Variants in TMEM256 observed in about 807,000 individuals in gnomAD.
TMEM256 encodes the protein transmembrane protein 256, also known as UPF0451 protein C17orf61.
TMEM256 carries 14 observed loss-of-function variants against 14.8 expected under a neutral mutation model. The observed-to-expected ratio is 0.95, with a 90% CI of 0.63 to 1.48. The LOEUF is 1.48. Among genes scored for constraint, TMEM256 ranks in the 40% most tolerant of loss-of-function variants. The probability of loss-of-function intolerance (pLI) is 0.00; values close to 1 mark genes in which losing one functional copy is unlikely to be tolerated. For missense variants in TMEM256, 146 were observed against 137.9 expected, an observed-to-expected ratio of 1.06 and a Z score of -0.30; for synonymous variants, 68 against 60.7, an observed-to-expected ratio of 1.12 and a Z score of -0.56.
intron 2 of TMEM256, 71 bp downstream of exon 2, chr17:7,403,587 T>A: frequency 1.3e-6 from 2 of 1,591,654 alleles, no homozygotes; most frequent in Non-Finnish European, 1.7e-6. Context: ...CCCGCCCACT[T>A]CCCCCAGGGA....
rs758557799 is a variant in TMEM256 at position 7,403,165 on chromosome 17, G to T, written c.243C>A (p.Ser81Arg). ...CTCCACTCAGAGCCTGGTAGTAAAA[G>T]CTGGTGCAGAATAAGGTCGTTCCGG... ...LASGTTLFCT[S>R]FYYQALSGDP... Residue 81 changes from serine (S) to arginine (R), a missense_variant, in exon 4 of 4, where the codon AGC becomes AGA. Coordinates refer to ENST00000302422, the MANE Select transcript of TMEM256 (RefSeq NM_152766.5). The T allele has an allele frequency of 6.2e-7, 1 of 1,614,188 alleles. No homozygotes were observed. Among genetic ancestry groups the T allele is most frequent in the Non-Finnish European group, 8.5e-7 (1 of 1,180,034 alleles).
Position 7,403,991 on chromosome 17 carries a change from C to G in TMEM256, c.85+9G>C, listed in dbSNP as rs201332160. On this transcript the variant is annotated intron_variant, in intron 1 of 3. Transcript: ENST00000302422. ...AGTACAGTCCCATCTTCGTCCCCAG[C>G]CCCCTGACCGTGCGCCCCGTAGGAA... 1 of 1,578,114 alleles carries G rather than the reference C, an allele frequency of 6.3e-7. No homozygotes were observed. Among genetic ancestry groups the G allele is most frequent in the Middle Eastern group, 1.7e-4 (1 of 6,002 alleles).
At chr17:7,403,572 C>A in intron 2 of TMEM256, 86 bp downstream of exon 2, 1 of 1,558,392 alleles carries the variant, frequency 6.4e-7, no homozygotes, top group Non-Finnish European at 8.8e-7. Flanking sequence ...TCGCCCCACC[C>A]TCTCCCCGCC....
chr17:7,403,542 C>T (rs1303368263), intron 2 of TMEM256, 116 bp downstream of exon 2: 3 of 1,537,786 alleles, frequency 2.0e-6, no homozygotes, highest in South Asian at 1.1e-5. Context: ...TTGGCCTTTG[C>T]TGCTCCAGAG....
At chr17:7,403,788 C>CA in intron 1 of TMEM256, 99 bp from the exon 2 acceptor site, 1 of 1,022,294 alleles carries the variant, frequency 9.8e-7, no homozygotes, top group Non-Finnish European at 1.3e-6. Context: ...AAGGGCACCC[C>CA]CCCCCCCGCC....
At chr17:7,403,568 C>CCCCCAA in intron 2 of TMEM256, 90 bp downstream of exon 2, 1 of 1,567,414 alleles carries the variant, frequency 6.4e-7, no homozygotes, top group Non-Finnish European at 8.7e-7. Flanking sequence ...CGGCTCGCCC[C>CCCCCAA]ACCCTCTCCC....
rs749113252 is a variant in TMEM256, at chr17:7,403,078, G to A, written c.330C>T (p.Ala110=). Residue 110 remains alanine, a synonymous_variant, in exon 4 of 4, where the codon GCC becomes GCT. Transcript: ENST00000302422. ...GGTLLLLGWL[A]LAL is the part of the protein sequence containing the mutation. ...AGCAAAAGGGAGCTCAAAGAGCCAA[G>A]GCAAGCCAGCCCAAGAGTAGCAGGG... The A allele has an allele frequency of 1.2e-6, 2 of 1,611,730 alleles. No individual in the cohort carries two copies. Among genetic ancestry groups the A allele is most frequent in the Non-Finnish European group, 1.7e-6 (2 of 1,179,144 alleles).
chr17:7,403,608 T>G (rs1450346437), intron 2 of TMEM256, 50 bp downstream of exon 2: 1 of 1,612,822 alleles, frequency 6.2e-7, no homozygotes, highest in South Asian at 1.1e-5. Flanking sequence ...CCCCAGACTT[T>G]GTGCCTTCGT....
intron 1 of TMEM256, 103 bp from the exon 2 acceptor site, chr17:7,403,792 C>CCA (rs1906454313): frequency 9.5e-7 from 1 of 1,056,594 alleles, no homozygotes; most frequent in Non-Finnish European, 1.3e-6. Flanking sequence ...GCACCCCCCC[C>CCA]CCCGCCCCAG....
Position 7,403,193 on chromosome 17 carries a change from G to C in TMEM256, c.215C>G (p.Ala72Gly). ...GGTGCAGAATAAGGTCGTTCCGGAA[G>C]CTAGCAATAACCCAGCCTGAAGGAG... The part of the protein sequence containing the change: ...RKPLWAGLLL[A>G]SGTTLFCTSF... Residue 72 changes from alanine (A) to glycine (G), a missense_variant, in exon 4 of 4, where the codon GCT becomes GGT. Ala to Gly is a moderately conservative substitution (Grantham distance 60, BLOSUM62 0). Coordinates refer to ENST00000302422, the MANE Select transcript of TMEM256 (RefSeq NM_152766.5). 1 of 1,614,162 alleles carries C rather than the reference G, an allele frequency of 6.2e-7. No homozygotes were observed. Among genetic ancestry groups the C allele is most frequent in the Non-Finnish European group, 8.5e-7 (1 of 1,180,030 alleles).
chr17:7,403,152 C>T lies in TMEM256; in HGVS notation c.256G>A (p.Ala86Thr), dbSNP rs1246106212. 19 of 1,614,162 alleles carry T rather than the reference C, an allele frequency of 1.2e-5. No homozygotes were observed. The highest frequency in any genetic ancestry group is 1.6e-5 in the Non-Finnish European group (19 of 1,180,026). ...TGGATGCTGGGGTCTCCACTCAGAGCCTGGTAGTAAAAGCTGGTGCAGAAT... is the reference window on the plus strand; with the variant it reads ...TGGATGCTGGGGTCTCCACTCAGAGTCTGGTAGTAAAAGCTGGTGCAGAAT... ...TLFCTSFYYQALSGDPSIQTL... is the reference protein window; with the variant it reads ...TLFCTSFYYQTLSGDPSIQTL... The change falls in exon 4 of 4, where the codon GCT becomes ACT. Residue 86 changes from alanine (A) to threonine (T), a missense_variant. Ala to Thr is a moderately conservative substitution (Grantham distance 58). Coordinates refer to ENST00000302422, the MANE Select transcript of TMEM256 (RefSeq NM_152766.5).
Position 7,403,383 on chromosome 17 carries a change from T to A in TMEM256, c.125A>T (p.Asp42Val). The change falls in exon 3 of 4, where the codon GAC becomes GTC. Residue 42 changes from aspartate to valine, a missense_variant. Asp to Val is a radical substitution (Grantham distance 152, BLOSUM62 -3). Coordinates refer to ENST00000302422, the MANE Select transcript of TMEM256 (RefSeq NM_152766.5). ...FPDAYGKELF[D>V]KANKHHFLHS... ...TAAGAAGTGGTGTTTGTTGGCCTTG[T>A]CAAACAGCTGTAAGAAAAACAGAAA... 1 of 1,614,094 alleles carries A rather than the reference T, an allele frequency of 6.2e-7. No individual in the cohort carries two copies. The highest frequency in any genetic ancestry group is 1.6e-4 in the Middle Eastern group (1 of 6,062).
rs1906399967 is a variant in TMEM256, at chr17:7,403,115, G to A, written c.293C>T (p.Pro98Leu). 6.2e-7 allele frequency: 1 copy of A among 1,614,194 alleles called. No homozygotes were observed. Among genetic ancestry groups the A allele is most frequent in the Non-Finnish European group, 8.5e-7 (1 of 1,180,036 alleles). The stretch of plus-strand genomic sequence containing the variant: ...CAAGAGTAGCAGGGTCCCTCCCGCA[G>A]GGGCCAAAGTCTGGATGCTGGGGTC... The part of the protein sequence containing the change: ...SGDPSIQTLA[P>L]AGGTLLLLGW... Residue 98 changes from proline to leucine, a missense_variant, in exon 4 of 4, where the codon CCT becomes CTT. Physicochemically the swap from Pro to Leu is moderately conservative, Grantham distance 98 (BLOSUM62 -3). Transcript: ENST00000302422.
In TMEM256 at chr17:7,403,658, C is replaced by T; in HGVS notation, c.117G>A (p.Glu39=). ...GAQFPDAYGK[E]LFDKANKHHF... ...GGGAGCCCCAGCGCAGTTACTTCAC[C>T]TCCTTCCCGTAGGCATCTGGGAATT... Residue 39 remains glutamate (E), a splice_region_variant and synonymous_variant, in exon 2 of 4, where the codon GAG becomes GAA. Coordinates refer to ENST00000302422, the MANE Select transcript of TMEM256 (RefSeq NM_152766.5). The T allele has an allele frequency of 2.5e-6, 4 of 1,614,128 alleles. No homozygotes were observed. Among genetic ancestry groups the T allele is most frequent in the Non-Finnish European group, 1.7e-6 (2 of 1,180,024 alleles).
chr17:7,403,475 CCCCCA>C, intron 2 of TMEM256, 85 bp from the exon 3 acceptor site: 1 of 1,491,830 alleles, frequency 6.7e-7, no homozygotes. Flanking sequence ...AAAGTTCCTT[CCCCCA>C]CCCCACCCTT....
In TMEM256 at chr17:7,403,513, C is replaced by A. The variant is rs1906427262; in HGVS notation, c.118-123G>T. The A allele has an allele frequency of 3.9e-5, 58 of 1,500,328 alleles. 1 individual carries two copies. In the South Asian group the frequency reaches 6.4e-4, roughly 17 times the overall value. 92.9% of individuals were successfully genotyped at this position (1,500,328 alleles called of 1,614,324 possible). ...CTTGAAGTCCCAGCTTGATCCCAGG[C>A]CTTTGGCTTACAGAGCCTTTGGCCT... On this transcript the variant is annotated intron_variant, in intron 2 of 3. Coordinates refer to ENST00000302422, the MANE Select transcript of TMEM256 (RefSeq NM_152766.5).
Position 7,403,119 on chromosome 17 carries a change from C to T in TMEM256, c.289G>A (p.Ala97Thr). 2 of 1,614,156 alleles carry T rather than the reference C, an allele frequency of 1.2e-6. No homozygotes were observed. Among genetic ancestry groups the T allele is most frequent in the Non-Finnish European group, 1.7e-6 (2 of 1,180,040 alleles). The change falls in exon 4 of 4, where the codon GCC becomes ACC. Residue 97 changes from alanine to threonine, a missense_variant. Physicochemically the swap from Ala to Thr is moderately conservative, Grantham distance 58. Coordinates refer to ENST00000302422, the MANE Select transcript of TMEM256 (RefSeq NM_152766.5). The stretch of plus-strand genomic sequence containing the variant: ...AGTAGCAGGGTCCCTCCCGCAGGGG[C>T]CAAAGTCTGGATGCTGGGGTCTCCA... ...LSGDPSIQTL[A>T]PAGGTLLLLG...
chr17:7,403,600 C>T, intron 2 of TMEM256, 58 bp downstream of exon 2: 1 of 1,611,890 alleles, frequency 6.2e-7, no homozygotes, highest in South Asian at 1.1e-5. Flanking sequence ...CCCAGGGACC[C>T]CAGACTTTGT....
rs193299505 is a variant in TMEM256, at chr17:7,403,204, C to A, written c.204G>T (p.Gly68=). Residue 68 remains glycine (G), a synonymous_variant, in exon 4 of 4, where the codon GGG becomes GGT. Coordinates refer to ENST00000302422, the MANE Select transcript of TMEM256 (RefSeq NM_152766.5). ...VPHCRKPLWA[G]LLLASGTTLF... Reference sequence around the variant, plus strand: ...AGGTCGTTCCGGAAGCTAGCAATAACCCAGCCTGAAGGAGACACAGCACAG... The same window carrying A: ...AGGTCGTTCCGGAAGCTAGCAATAAACCAGCCTGAAGGAGACACAGCACAG... 3 of 1,614,142 alleles carry A rather than the reference C, an allele frequency of 1.9e-6. No homozygotes were observed. Among genetic ancestry groups the A allele is most frequent in the African/African-American group, 1.3e-5 (1 of 75,032 alleles).
Sources: gnomAD v4.1 joint callset for allele counts on GRCh38, gnomAD v4.1.1 for gene constraint, MANE v1.5 for transcripts, NCBI Gene and HGNC (gene_info 2026-07-23, HGNC 2026-07-21) for gene names.